The following XKR6 variants were observed in gnomAD, a reference collection of about 807,000 sequenced individuals.
XKR6 encodes the protein XK related 6, also known as XK-related protein 6.
Under a neutral mutation model 56.7 loss-of-function variants are expected in XKR6, and 22 were observed. That is an observed-to-expected ratio of 0.39 (90% CI 0.28 to 0.55). The LOEUF is 0.55. Ranked by LOEUF, XKR6 falls within the 20% of genes least tolerant of loss-of-function variation. XKR6 has a pLI of 0.66. For synonymous variants in XKR6, 524 were observed against 387.8 expected (o/e 1.35, Z -4.13); for missense variants, 852 against 889.0 (o/e 0.96, Z 0.53).
intron 1 of XKR6, among the ~76,000 whole-genome samples, chr8:10,972,706 A>G (rs1802443423): frequency 6.6e-6 from 1 of 152,214 alleles, no homozygotes; most frequent in South Asian, 2.1e-4. Flanking sequence ...GGGCTGGGGA[A>G]AAGTGGGGAC....
intron 1 of XKR6, among the ~76,000 whole-genome samples, chr8:11,181,306 A>G (rs1399119458): frequency 1.3e-5 from 2 of 152,246 alleles, no homozygotes; most frequent in South Asian, 2.1e-4. Context: ...AAAAACTTAT[A>G]TAAGCATTTT....
At chr8:11,065,521 C>T (rs1007487660) in intron 1 of XKR6, among the ~76,000 whole-genome samples, 5 of 152,170 alleles carry the variant, frequency 3.3e-5, no homozygotes, top group Non-Finnish European at 7.4e-5. Context: ...GCCACACCAA[C>T]TGCAGTCTCA....
At chr8:11,003,964 C>G (rs1376666818) in intron 1 of XKR6, among the ~76,000 whole-genome samples, 1 of 152,064 alleles carries the variant, frequency 6.6e-6, no homozygotes. Flanking sequence ...ACAGCAGGTG[C>G]AAAAGCAGAG....
At chr8:11,010,535 T>G (rs1235337810) in intron 1 of XKR6, among the ~76,000 whole-genome samples, 1 of 152,106 alleles carries the variant, frequency 6.6e-6, no homozygotes, top group African/African-American at 2.4e-5. Flanking sequence ...CCTAGCACAA[T>G]GCCTAGCACA....
chr8:11,096,652 T>A (rs1315271933), intron 1 of XKR6, among the ~76,000 whole-genome samples: 2 of 152,316 alleles, frequency 1.3e-5, no homozygotes, highest in East Asian at 3.9e-4. Flanking sequence ...AAAGTAACCA[T>A]GAGAGTCAAA....
intron 1 of XKR6, among the ~76,000 whole-genome samples, chr8:11,013,497 G>C (rs1434564151): frequency 2.6e-5 from 4 of 152,222 alleles, no homozygotes; most frequent in Non-Finnish European, 4.4e-5. Context: ...CAGCCTGGCA[G>C]AGGTGGGTTC....
chr8:11,200,243 G>A lies in XKR6; in HGVS notation c.764+333C>T, dbSNP rs1280912584. Among the ~76,000 whole-genome samples the A allele has an allele frequency of 1.3e-5, 2 of 152,218 alleles. No homozygotes were observed. The highest frequency in any genetic ancestry group is 2.9e-5 in the Non-Finnish European group (2 of 68,034). ...AGCTGGGGTGCAGCCCAGGGCGCCC[G>A]CAGCTGGTTACCTCGGGAGGCAGGG... On this transcript the variant is annotated intron_variant, in intron 1 of 2. Transcript: ENST00000416569. The surrounding 1 kb of genome is among the most constrained non-coding windows in gnomAD (Gnocchi z 6.4).
At chr8:11,002,935 G>T (rs954110148) in intron 1 of XKR6, among the ~76,000 whole-genome samples, 8 of 152,096 alleles carry the variant, frequency 5.3e-5, no homozygotes, top group African/African-American at 1.9e-4. Context: ...TCAGATGTTG[G>T]ATAGGAGGCC....
chr8:10,943,004 C>G (rs1012613940), intron 1 of XKR6, among the ~76,000 whole-genome samples: 1 of 152,194 alleles, frequency 6.6e-6, no homozygotes, highest in Non-Finnish European at 1.5e-5. Flanking sequence ...GAAAATGGCT[C>G]AAAGGAGGGG....
chr8:11,137,546 C>T (rs1377952947), intron 1 of XKR6: 1 of 456,086 alleles, frequency 2.2e-6, no homozygotes, highest in East Asian at 6.9e-5. Context: ...ATACCCATCA[C>T]CCCAGTGTTC....
At chr8:10,958,007 G>T (rs1801948834) in intron 1 of XKR6, among the ~76,000 whole-genome samples, 1 of 152,146 alleles carries the variant, frequency 6.6e-6, no homozygotes, top group African/African-American at 2.4e-5. Flanking sequence ...AAAGGAAAAA[G>T]AAACCCACGT....
At chr8:11,011,631 T>A (rs901265370) in intron 1 of XKR6, among the ~76,000 whole-genome samples, 1 of 151,996 alleles carries the variant, frequency 6.6e-6, no homozygotes, top group African/African-American at 2.4e-5. Context: ...AGGTAAGTAA[T>A]AGAGATGGCA....
At chr8:11,048,257 C>T (rs536106747) in intron 1 of XKR6, among the ~76,000 whole-genome samples, 4 of 152,120 alleles carry the variant, frequency 2.6e-5, no homozygotes, top group Non-Finnish European at 5.9e-5. Context: ...GGGAATCCGG[C>T]CCTTGTTTCT....
chr8:11,041,517 C>G (rs1292098105), intron 1 of XKR6, among the ~76,000 whole-genome samples: 2 of 151,554 alleles, frequency 1.3e-5, no homozygotes, highest in Non-Finnish European at 2.9e-5. Flanking sequence ...GATCTTGCCA[C>G]TGCCCTCCAG....
intron 1 of XKR6, among the ~76,000 whole-genome samples, chr8:11,047,396 G>A (rs1799437091): frequency 6.6e-6 from 1 of 152,198 alleles, no homozygotes; most frequent in African/African-American, 2.4e-5. Context: ...ATACCATGTG[G>A]CTTTCATGGG....
chr8:10,937,585 G>A (rs1197995005), intron 1 of XKR6, among the ~76,000 whole-genome samples: 15 of 149,396 alleles, frequency 1.0e-4, no homozygotes, highest in Non-Finnish European at 1.8e-4. Context: ...TTTCGGTGTG[G>A]ATGTCCTTTC....
Position 11,200,717 on chromosome 8 carries a change from C to A in XKR6, c.623G>T (p.Gly208Val). 1 of 1,588,094 alleles carries A rather than the reference C, an allele frequency of 6.3e-7. No homozygotes were observed. Reference protein sequence around the residue: ...GLTSRGPPMMGAGYVHGAARG... With the variant: ...GLTSRGPPMMVAGYVHGAARG... ...GGCCGCGCCGTGGACGTAGCCGGCC[C>A]CCATCATGGGGGGGCCCCGGCTGGT... is the stretch of plus-strand genomic sequence containing the variant. Residue 208 changes from glycine (G) to valine (V), a missense_variant, in exon 1 of 3, where the codon GGG (glycine) becomes GTG (valine). Physicochemically the swap from Gly to Val is moderately radical, Grantham distance 109. This residue lies in a region of XKR6 where 417 missense variants were observed against 355.2 expected (regional missense o/e 1.17). Transcript: ENST00000416569. The surrounding 1 kb of genome is among the most constrained non-coding windows in gnomAD (Gnocchi z 6.4).
At chr8:10,906,235 A>G (rs984327338) in intron 2 of XKR6, among the ~76,000 whole-genome samples, 1 of 152,206 alleles carries the variant, frequency 6.6e-6, no homozygotes, top group East Asian at 1.9e-4. Flanking sequence ...AATGGTACAA[A>G]CCAGAGCTCC....
intron 1 of XKR6, among the ~76,000 whole-genome samples, chr8:10,935,655 G>A (rs1257710420): frequency 1.3e-5 from 2 of 151,530 alleles, no homozygotes; most frequent in Middle Eastern, 3.2e-3. Flanking sequence ...ATTTTGTTAT[G>A]TACCCAGTAG....
Sources: gnomAD v4.1 joint callset for allele counts (sites outside exome capture counted in the v4.1 genomes callset) on GRCh38, gnomAD v4.1.1 for gene constraint, gnomAD v4.1.1 regional missense constraint, Gnocchi (gnomAD v3.1) non-coding constraint, MANE v1.5 for transcripts, NCBI Gene and HGNC (gene_info 2026-07-23, HGNC 2026-07-21) for gene names.